The following FLT3 variants were observed in gnomAD, a reference collection of about 807,000 sequenced individuals.
FLT3 encodes receptor-type tyrosine-protein kinase FLT3.
A neutral mutation model predicts 126.6 loss-of-function variants in FLT3; 46 were observed. The observed-to-expected ratio is 0.36, with a 90% CI of 0.29 to 0.46. FLT3 has a LOEUF of 0.46. Among genes scored for constraint, FLT3 ranks in the 20% least tolerant of loss-of-function variants. The pLI, the probability that FLT3 is intolerant of heterozygous loss-of-function variation, is 1.00. For missense variants in FLT3, 1,069 were observed against 1,190.3 expected (o/e 0.90, Z 1.50); for synonymous variants, 404 against 434.4 (o/e 0.93, Z 0.87).
chr13:28,075,723 TAAAAAA>T (rs905193442), intron 1 of FLT3, among the ~76,000 whole-genome samples: 4 of 82,264 alleles, frequency 4.9e-5, no homozygotes, highest in African/African-American at 1.3e-4. Flanking sequence ...AGGCTCTGTC[TAAAAAA>T]AAAAAAATGG....
chr13:28,009,537 C>T (rs1196785455), intron 23 of FLT3: 3 of 152,104 alleles, frequency 2.0e-5, no homozygotes, highest in African/African-American at 7.2e-5. Context: ...CCAATTATGG[C>T]CTCACTTTTA....
At chr13:28,015,077 CT>C (rs1018168734) in intron 22 of FLT3, 79 bp downstream of exon 22, 6 of 861,420 alleles carry the variant, frequency 7.0e-6, no homozygotes, top group Non-Finnish European at 7.6e-6. Flanking sequence ...AGGAGTTTGA[CT>C]TTTTTTGGTC....
Position 28,088,884 on chromosome 13 carries a change from A to G in FLT3, c.43+11584T>C, listed in dbSNP as rs143080321. Among the ~76,000 whole-genome samples the G allele has an allele frequency of 4.9e-4, 74 of 152,252 alleles. No individual in the cohort carries two copies. In the East Asian group the frequency reaches 0.012, roughly 25 times the overall value. ...CAAGCGTGAGCTGCCCACCCAGCCC[A>G]GAAAACATTCTTAAAAAATGAAGAC... is the stretch of plus-strand genomic sequence containing the variant. On this transcript the variant is annotated intron_variant, in intron 1 of 23. Transcript: ENST00000241453.
intron 15 of FLT3, among the ~76,000 whole-genome samples, chr13:28,031,407 G>A (rs1449367400): frequency 6.6e-6 from 1 of 152,120 alleles, no homozygotes; most frequent in African/African-American, 2.4e-5. Context: ...GAACAGTGCT[G>A]AGGGTTGTGA....
intron 1 of FLT3, among the ~76,000 whole-genome samples, chr13:28,079,315 T>G (rs1878168931): frequency 6.6e-6 from 1 of 152,176 alleles, no homozygotes; most frequent in Non-Finnish European, 1.5e-5. Flanking sequence ...GGCTTGGACC[T>G]TATTGTTCGT....
At chr13:28,058,834 T>C (rs1326832362) in intron 3 of FLT3, among the ~76,000 whole-genome samples, 3 of 152,256 alleles carry the variant, frequency 2.0e-5, no homozygotes, top group South Asian at 4.1e-4. Context: ...TCTATTTTGA[T>C]GATATGCTTT....
At chr13:28,013,979 A>G (rs1040788851) in intron 23 of FLT3, among the ~76,000 whole-genome samples, 1 of 152,152 alleles carries the variant, frequency 6.6e-6, no homozygotes, top group Non-Finnish European at 1.5e-5. Context: ...ATTTTTATCA[A>G]TATGTCTTAG....
At chr13:28,070,225 G>A (rs369370656) in intron 2 of FLT3, among the ~76,000 whole-genome samples, 2 of 152,148 alleles carry the variant, frequency 1.3e-5, no homozygotes, top group African/African-American at 4.8e-5. Flanking sequence ...CATCCCCGCT[G>A]TATACCAAGG....
At chr13:28,051,614 G>A (rs1010867537) in intron 5 of FLT3, among the ~76,000 whole-genome samples, 5 of 145,080 alleles carry the variant, frequency 3.4e-5, no homozygotes, top group African/African-American at 7.8e-5. Context: ...GCGCGATCTC[G>A]GCTTACTGCA....
intron 23 of FLT3, among the ~76,000 whole-genome samples, chr13:28,007,910 G>C (rs1871050437): frequency 6.6e-6 from 1 of 152,054 alleles, no homozygotes; most frequent in Non-Finnish European, 1.5e-5. Context: ...CTATTATTTT[G>C]CTGTTGCTAC....
At chr13:28,069,092 TG>T (rs1877281259) in intron 2 of FLT3, among the ~76,000 whole-genome samples, 1 of 151,974 alleles carries the variant, frequency 6.6e-6, no homozygotes, top group Non-Finnish European at 1.5e-5. Context: ...GTCTAAGTAA[TG>T]GGAAATCATG....
intron 15 of FLT3, among the ~76,000 whole-genome samples, chr13:28,030,011 C>G (rs890654919): frequency 3.3e-5 from 5 of 152,216 alleles, no homozygotes; most frequent in African/African-American, 1.2e-4. Flanking sequence ...CCTCTCCAGG[C>G]TCCAGGCACC....
chr13:28,048,107 A>G (rs907878748), intron 9 of FLT3, among the ~76,000 whole-genome samples, 168 bp downstream of exon 9: 5 of 152,234 alleles, frequency 3.3e-5, no homozygotes, highest in African/African-American at 1.2e-4. Flanking sequence ...TAAGACTGCT[A>G]CTGTATCCTC....
At chr13:28,006,555 A>C (rs550654144) in intron 23 of FLT3, among the ~76,000 whole-genome samples, 1 of 152,202 alleles carries the variant, frequency 6.6e-6, no homozygotes, top group Admixed American at 6.5e-5. Flanking sequence ...CACAAATACC[A>C]ATAACACTTC....
intron 9 of FLT3, among the ~76,000 whole-genome samples, chr13:28,038,596 GC>G (rs1424625956): frequency 6.6e-6 from 1 of 151,916 alleles, no homozygotes; most frequent in African/African-American, 2.4e-5. Flanking sequence ...GGGACTACAG[GC>G]TCCTGCCACC....
intron 1 of FLT3, among the ~76,000 whole-genome samples, chr13:28,096,080 C>T (rs73445029): frequency 0.16 from 24,120 of 152,046 alleles, 2,006 homozygotes; most frequent in Middle Eastern, 0.24. Flanking sequence ...TTAGGCTGGG[C>T]GCACTGGCTC....
Position 28,061,904 on chromosome 13 carries a change from A to AGCT in FLT3, c.328_330dup (p.Ser111dup). 6.2e-7 allele frequency: 1 copy of AGCT among 1,614,124 alleles called. No individual in the cohort carries two copies. Among genetic ancestry groups the AGCT allele is most frequent in the South Asian group, 1.1e-5 (1 of 91,072 alleles). On this transcript the variant is annotated inframe_insertion, in exon 3 of 24. Coordinates refer to ENST00000241453, the MANE Select transcript of FLT3 (RefSeq NM_004119.3). ...TCAAAATGTGGCTGGCAATTCAGGG[A>AGCT]GCTGTGCTTAAAGACCCAGAGACAG...
intron 15 of FLT3, among the ~76,000 whole-genome samples, chr13:28,031,586 G>A (rs543590523): frequency 2.6e-5 from 4 of 152,180 alleles, no homozygotes; most frequent in African/African-American, 4.8e-5. Context: ...AGCTAATGTC[G>A]CACATTGCAA....
intron 1 of FLT3, among the ~76,000 whole-genome samples, chr13:28,092,885 A>C (rs1211453450): frequency 1.3e-5 from 2 of 149,422 alleles, no homozygotes; most frequent in Non-Finnish European, 3.0e-5. Context: ...GGAAGATATA[A>C]CAACCCCCCT....
Sources: gnomAD v4.1 joint callset for allele counts (sites outside exome capture counted in the v4.1 genomes callset) on GRCh38, gnomAD v4.1.1 for gene constraint, MANE v1.5 for transcripts, NCBI Gene and HGNC (gene_info 2026-07-23, HGNC 2026-07-21) for gene names.